The following CFAP99 variants were observed in gnomAD, a reference collection of about 807,000 sequenced individuals.
CFAP99 encodes the protein cilia- and flagella-associated protein 99.
A neutral mutation model predicts 82.7 loss-of-function variants in CFAP99; 84 were observed. That is an observed-to-expected ratio of 1.02 (90% CI 0.85 to 1.22). CFAP99 has a LOEUF of 1.22. Among genes scored for constraint, CFAP99 ranks in the 50% most tolerant of loss-of-function variants. The pLI is 0.00. For synonymous variants in CFAP99, 456 were observed against 429.5 expected, an observed-to-expected ratio of 1.06 and a Z score of -0.76; for missense variants, 1,059 against 983.5, an observed-to-expected ratio of 1.08 and a Z score of -1.03.
intron 5 of CFAP99, among the ~76,000 whole-genome samples, chr4:2,443,594 C>T (rs1022743205): frequency 6.6e-6 from 1 of 152,198 alleles, no homozygotes. Context: ...GCTGGGGCTG[C>T]GTCAGTGGTT....
intron 3 of CFAP99, among the ~76,000 whole-genome samples, chr4:2,437,271 A>C (rs1020449722): frequency 9.9e-5 from 15 of 152,204 alleles, no homozygotes; most frequent in African/African-American, 3.6e-4. Context: ...CAGCTCCCAA[A>C]GGCAGCCCGG....
rs1471995232 is a variant in CFAP99 at position 2,459,174 on chromosome 4, G to A, written c.1371G>A (p.Gln457=). The stretch of plus-strand genomic sequence containing the variant: ...GGGCGCAGGCAGCCCAGGAGGAGCA[G>A]CGGCGCCGTTGTGAACTCATCTCCC... Residue 457 remains glutamine (Q), a synonymous_variant, in exon 13 of 15, where the codon CAG becomes CAA. Coordinates refer to ENST00000635017, the Ensembl canonical transcript of CFAP99. 7 of 1,535,624 alleles carry A rather than the reference G, an allele frequency of 4.6e-6. 2 individuals carry two copies. In the South Asian group the frequency reaches 8.3e-5, roughly 18 times the overall value.
chr4:2,450,510 T>C, intron 8 of CFAP99: 1 of 277,890 alleles, frequency 3.6e-6, no homozygotes, highest in Non-Finnish European at 7.1e-6. Context: ...GGGGTGGCCT[T>C]TGCAGCCACT....
At chr4:2,457,191 C>G (rs751166602) in intron 11 of CFAP99, among the ~76,000 whole-genome samples, 17 of 152,224 alleles carry the variant, frequency 1.1e-4, no homozygotes, top group Non-Finnish European at 1.5e-4. Flanking sequence ...AATCCTCCCC[C>G]CTCAGCTTCC....
rs1487445721 is a variant in CFAP99 at position 2,448,618 on chromosome 4, A to G, written c.643-1052A>G. ...AAAACCAGAAGTGAGCAAGTCGGCC[A>G]TGGGGTGTCTCAGAGAACAGCATCC... On this transcript the variant is annotated intron_variant, in intron 6 of 14. Coordinates refer to ENST00000635017, the Ensembl canonical transcript of CFAP99. This position sits in a 1 kb window ranked among gnomAD's most constrained non-coding sequence, Gnocchi z 5.2. Among the ~76,000 whole-genome samples, 1 of 152,242 alleles carries G rather than the reference A, an allele frequency of 6.6e-6. No homozygotes were observed. Among genetic ancestry groups the G allele is most frequent in the Non-Finnish European group, 1.5e-5 (1 of 68,038 alleles).
rs139683876 is a variant in CFAP99 at position 2,445,676 on chromosome 4, A to G, written c.642+368A>G. On this transcript the variant is annotated intron_variant, in intron 6 of 14. Transcript: ENST00000635017. Reference sequence around the variant, plus strand: ...AAGTATGATGTGTAGATGACAGCATACTCTTTGGGCAGGCCTAGAGACTCT... The same window carrying G: ...AAGTATGATGTGTAGATGACAGCATGCTCTTTGGGCAGGCCTAGAGACTCT... Among the ~76,000 whole-genome samples the G allele has an allele frequency of 5.6e-3, 847 of 151,172 alleles. 3 individuals are homozygous for G. Among genetic ancestry groups the G allele is most frequent in the African/African-American group, 0.017 (714 of 41,110 alleles).
At chr4:2,431,807 C>T (rs1461396523) in intron 2 of CFAP99, among the ~76,000 whole-genome samples, 1 of 152,088 alleles carries the variant, frequency 6.6e-6, no homozygotes, top group Admixed American at 6.5e-5. Context: ...ACTTCCACCT[C>T]CCAGGTTCAA....
At position 2,460,261 on chromosome 4, in the gene CFAP99, G is replaced by A. The variant is rs978905644; in HGVS notation, c.1661+19G>A. On this transcript the variant is annotated intron_variant, in intron 14 of 14. Transcript: ENST00000635017. ...CCTTGAGGTTGGTACTGGGCTCGGG[G>A]AGGGTGCCTCTGGGTGGACAGGGAG... is the stretch of plus-strand genomic sequence containing the variant. 3 of 1,534,964 alleles carry A rather than the reference G, an allele frequency of 2.0e-6. No individual in the cohort carries two copies. Among genetic ancestry groups the A allele is most frequent in the Non-Finnish European group, 1.7e-6 (2 of 1,145,888 alleles).
chr4:2,449,919 G>A lies in CFAP99; in HGVS notation c.724-15G>A. 6.5e-7 allele frequency: 1 copy of A among 1,536,212 alleles called. No homozygotes were observed. Among genetic ancestry groups the A allele is most frequent in the Non-Finnish European group, 8.7e-7 (1 of 1,146,928 alleles). The stretch of plus-strand genomic sequence containing the variant: ...AGAGGCTGGTGGGACTGGAGCCGCT[G>A]TGTCACTGTGGCAGGAGCTGCTGCT... On this transcript the variant is annotated splice_polypyrimidine_tract_variant and intron_variant, in intron 7 of 14. Coordinates refer to ENST00000635017, the Ensembl canonical transcript of CFAP99.
chr4:2,458,825 G>A, exon 12 of CFAP99: 1 of 1,535,918 alleles, frequency 6.5e-7, no homozygotes, highest in Non-Finnish European at 8.7e-7. Context: ...GAACGCCAAG[G>A]CGGCCCAGAC....
intron 11 of CFAP99, among the ~76,000 whole-genome samples, chr4:2,455,963 C>T (rs1025335089): frequency 7.9e-5 from 12 of 152,182 alleles, no homozygotes; most frequent in South Asian, 2.1e-4. Flanking sequence ...CACAACCCGA[C>T]GCATGGGCAC....
chr4:2,442,727 A>G (rs1578473746), intron 4 of CFAP99, among the ~76,000 whole-genome samples: 1 of 151,658 alleles, frequency 6.6e-6, no homozygotes, highest in African/African-American at 2.4e-5. Context: ...CTTCTCAGGC[A>G]CCCCCTCCCC....
chr4:2,460,349 T>C (rs992501914), intron 14 of CFAP99, 107 bp downstream of exon 14: 1 of 1,005,818 alleles, frequency 9.9e-7, no homozygotes, highest in African/African-American at 1.6e-5. Flanking sequence ...ACCACCCTCC[T>C]GCCCAGGAAG....
chr4:2,437,363 C>T (rs776369227), intron 3 of CFAP99, among the ~76,000 whole-genome samples: 3 of 152,196 alleles, frequency 2.0e-5, no homozygotes, highest in Non-Finnish European at 4.4e-5. Context: ...CTGTGGCTGC[C>T]GTCTGGACAG....
At chr4:2,433,528 C>G (rs554601770) in intron 2 of CFAP99, among the ~76,000 whole-genome samples, 5 of 152,170 alleles carry the variant, frequency 3.3e-5, no homozygotes, top group Non-Finnish European at 1.5e-5. Context: ...TCAGAGCCAG[C>G]CCCCCGCAGG....
At chr4:2,439,054 A>G (rs1560381887) in intron 4 of CFAP99, among the ~76,000 whole-genome samples, 1 of 152,296 alleles carries the variant, frequency 6.6e-6, no homozygotes, top group East Asian at 1.9e-4. Context: ...GCTGGCACAC[A>G]CAGGCCTCTG....
chr4:2,457,428 G>A (rs951690256), intron 11 of CFAP99, among the ~76,000 whole-genome samples: 5 of 152,234 alleles, frequency 3.3e-5, no homozygotes, highest in South Asian at 2.1e-4. Flanking sequence ...CAGCCAGTGC[G>A]AGCCATGCTC....
At chr4:2,445,273 C>G in exon 6 of CFAP99, 1 of 1,394,444 alleles carries the variant, frequency 7.2e-7, no homozygotes, top group Non-Finnish European at 9.3e-7. Flanking sequence ...CATTCCAGCG[C>G]CCGAACCAGT....
chr4:2,426,162 C>A (rs1733678324), intron 1 of CFAP99, among the ~76,000 whole-genome samples: 1 of 152,156 alleles, frequency 6.6e-6, no homozygotes, highest in African/African-American at 2.4e-5. Flanking sequence ...CAGCTTCGGT[C>A]TGTGGTGATG....
Sources: gnomAD v4.1 joint callset for allele counts (sites outside exome capture counted in the v4.1 genomes callset) on GRCh38, gnomAD v4.1.1 for gene constraint, Gnocchi (gnomAD v3.1) non-coding constraint, MANE v1.5 for transcripts, NCBI Gene and HGNC (gene_info 2026-07-23, HGNC 2026-07-21) for gene names.